Variants in CTNNA3 observed in about 807,000 individuals in gnomAD.
The protein encoded by CTNNA3 is catenin alpha-3.
A neutral mutation model predicts 95.7 loss-of-function variants in CTNNA3; 76 were observed. That is an observed-to-expected ratio of 0.79 (90% confidence interval 0.66 to 0.96). CTNNA3 has a LOEUF of 0.96. Among genes scored for constraint, CTNNA3 ranks in the 40% least tolerant of loss-of-function variants. The pLI, the probability that CTNNA3 is intolerant of heterozygous loss-of-function variation, is 0.00. For synonymous variants in CTNNA3, 431 were observed against 374.4 expected (o/e 1.15, Z -1.74); for missense variants, 1,191 against 1,089.8 (o/e 1.09, Z -1.31).
intron 7 of CTNNA3, among the ~76,000 whole-genome samples, chr10:66,875,935 C>G (rs1021334011): frequency 1.3e-5 from 2 of 152,108 alleles, no homozygotes; most frequent in African/African-American, 4.8e-5. Flanking sequence ...CAGGTGCCTA[C>G]AGATTTGTGG....
rs553684078 is a variant in CTNNA3, at chr10:65,986,345, G to T, written c.2265+2347C>A. 1.7e-4 allele frequency among the ~76,000 whole-genome samples: 24 copies of T among 143,588 alleles called. No homozygotes were observed. The South Asian group carries it at 5.3e-3, about 32-fold the overall frequency. 94.2% of individuals were successfully genotyped at this position (143,588 alleles called of 152,430 possible). A position where few individuals can be genotyped will look rare whatever the true frequency, so the allele number is the denominator to read the frequency against. The stretch of plus-strand genomic sequence containing the variant: ...CTCTACCAAAAAAAAAAAACTCTTA[G>T]ATTTGATAAAAAAATTCAATAAAGT... On this transcript the variant is annotated intron_variant, in intron 16 of 17. Coordinates refer to ENST00000433211, the MANE Select transcript of CTNNA3 (RefSeq NM_013266.4).
chr10:66,095,844 C>G lies in CTNNA3; in HGVS notation c.1977+7313G>C, dbSNP rs547925098. Among the ~76,000 whole-genome samples, 30 of 152,150 alleles carry G rather than the reference C, an allele frequency of 2.0e-4. No individual in the cohort carries two copies. In the South Asian group the frequency reaches 4.4e-3, roughly 22 times the overall value. On this transcript the variant is annotated intron_variant, in intron 14 of 17. Coordinates refer to ENST00000433211, the MANE Select transcript of CTNNA3 (RefSeq NM_013266.4). ...GTCCTAAATTACTTCTATTTATAGA[C>G]CTTATATAGATTCAATGGCCCCAGA... is the stretch of plus-strand genomic sequence containing the variant.
At chr10:66,241,151 AG>A (rs2090086974) in intron 13 of CTNNA3, among the ~76,000 whole-genome samples, 1 of 64,188 alleles carries the variant, frequency 1.6e-5, no homozygotes, top group Non-Finnish European at 3.5e-5. Context: ...TCTTCTTAAA[AG>A]GGTTAAAAAA....
At chr10:66,825,746 G>A (rs190833475) in intron 7 of CTNNA3, among the ~76,000 whole-genome samples, 6 of 152,008 alleles carry the variant, frequency 3.9e-5, no homozygotes, top group Admixed American at 3.9e-4. Flanking sequence ...CCTCTGTTCG[G>A]GTCAAAGAAG....
chr10:67,474,320 C>T (rs1847929843), intron 5 of CTNNA3, among the ~76,000 whole-genome samples: 2 of 152,094 alleles, frequency 1.3e-5, no homozygotes, highest in Non-Finnish European at 2.9e-5. Context: ...TCAGGGTGGA[C>T]CCTAATCCAA....
chr10:66,694,010 G>T (rs542186247), intron 9 of CTNNA3, among the ~76,000 whole-genome samples: 22 of 152,046 alleles, frequency 1.4e-4, no homozygotes, highest in African/African-American at 4.8e-4. Context: ...GAGAAAGCAG[G>T]AAACATCCAA....
In CTNNA3 at chr10:67,537,307, T is replaced by C. The variant is rs74142837; in HGVS notation, c.459+2196A>G. On this transcript the variant is annotated intron_variant, in intron 4 of 17. Coordinates refer to ENST00000433211, the MANE Select transcript of CTNNA3 (RefSeq NM_013266.4). ...CCAAAAGTTTTAATTCTTTCCTGTT[T>C]CCTTGAGCAAGTTACTTAAATTCAA... Among the ~76,000 whole-genome samples the C allele has an allele frequency of 2.8e-3, 423 of 152,300 alleles. 3 individuals carry two copies. Among genetic ancestry groups the C allele is most frequent in the African/African-American group, 9.8e-3 (406 of 41,582 alleles).
At chr10:67,152,766 T>C (rs765261490) in intron 7 of CTNNA3, among the ~76,000 whole-genome samples, 5 of 128,956 alleles carry the variant, frequency 3.9e-5, no homozygotes, top group Non-Finnish European at 6.4e-5. Context: ...AGAATGATTA[T>C]ACTTTTTCCT....
intron 11 of CTNNA3, among the ~76,000 whole-genome samples, chr10:66,417,943 A>G (rs1004596227): frequency 1.4e-4 from 21 of 151,900 alleles, no homozygotes; most frequent in African/African-American, 5.1e-4. Context: ...CTAACAATCC[A>G]CCTCAACAAA....
At chr10:66,265,361 C>T (rs1268565160) in intron 13 of CTNNA3, among the ~76,000 whole-genome samples, 2 of 151,986 alleles carry the variant, frequency 1.3e-5, no homozygotes, top group Non-Finnish European at 2.9e-5. Flanking sequence ...GCTTGATTAA[C>T]ATACTTTTGG....
At chr10:67,757,688 A>G (rs192272919) in intron 1 of CTNNA3, among the ~76,000 whole-genome samples, 1,887 of 152,306 alleles carry the variant, frequency 0.012, 16 homozygotes, top group Admixed American at 0.018. Flanking sequence ...GCCTTTGGCC[A>G]CAGACTGAAG....
intron 13 of CTNNA3, chr10:66,118,241 A>G (rs749657746): frequency 4.6e-5 from 7 of 150,706 alleles, no homozygotes; most frequent in South Asian, 2.1e-4. Flanking sequence ...GCTTTGTCCT[A>G]TTTTTTTTTA....
intron 7 of CTNNA3, among the ~76,000 whole-genome samples, chr10:67,130,906 T>G (rs1859968998): frequency 6.6e-6 from 1 of 152,046 alleles, no homozygotes; most frequent in African/African-American, 2.4e-5. Flanking sequence ...TTCTGGCATT[T>G]TGGACAGGCA....
intron 6 of CTNNA3, among the ~76,000 whole-genome samples, chr10:67,201,022 A>G (rs926559558): frequency 1.6e-4 from 25 of 152,092 alleles, no homozygotes; most frequent in African/African-American, 5.3e-4. Flanking sequence ...GTTTGGCTGT[A>G]TCTATTTATT....
chr10:66,846,421 T>C (rs555259215), intron 7 of CTNNA3, among the ~76,000 whole-genome samples: 1 of 151,980 alleles, frequency 6.6e-6, no homozygotes, highest in Non-Finnish European at 1.5e-5. Context: ...TAATAACATA[T>C]TGTATACTTG....
chr10:67,657,947 C>T (rs1840073238), intron 1 of CTNNA3, among the ~76,000 whole-genome samples: 1 of 151,872 alleles, frequency 6.6e-6, no homozygotes, highest in African/African-American at 2.4e-5. Context: ...GAAAGGCCCA[C>T]AGTTTGCCCA....
At chr10:67,750,506 A>G (rs1490754404) in intron 1 of CTNNA3, 3 of 1,562,604 alleles carry the variant, frequency 1.9e-6, no homozygotes, top group Non-Finnish European at 2.6e-6. Flanking sequence ...GGACCTCTTC[A>G]TCATCAACAA....
At chr10:67,044,960 A>T (rs1298861196) in intron 7 of CTNNA3, among the ~76,000 whole-genome samples, 1 of 152,226 alleles carries the variant, frequency 6.6e-6, no homozygotes, top group Non-Finnish European at 1.5e-5. Flanking sequence ...ATAAGATTTG[A>T]TATTTAAAAC....
chr10:66,672,405 G>A (rs1290420502), intron 9 of CTNNA3, among the ~76,000 whole-genome samples: 1 of 151,978 alleles, frequency 6.6e-6, no homozygotes, highest in Admixed American at 6.6e-5. Flanking sequence ...TTGACTCACT[G>A]ATTTAAATTG....
Sources: allele counts gnomAD v4.1 joint callset (sites outside exome capture counted in the v4.1 genomes callset), GRCh38; gene constraint gnomAD v4.1.1; transcripts MANE v1.5; gene names NCBI Gene and HGNC (gene_info 2026-07-23, HGNC 2026-07-21).